MALRD1: variants seen among roughly 807,000 people sequenced by gnomAD.
MALRD1 encodes the protein MAM and LDL receptor class A domain containing 1, also known as MAM and LDL-receptor class A domain-containing protein 1.
Under a neutral mutation model 242.1 loss-of-function variants are expected in MALRD1, and 247 were observed. The ratio of observed to expected loss-of-function variants is 1.02; its 90% confidence interval spans 0.92 to 1.13. MALRD1 has a LOEUF of 1.13. Among genes scored for constraint, MALRD1 ranks in the 50% most tolerant of loss-of-function variants. The pLI, the probability that MALRD1 is intolerant of heterozygous loss-of-function variation, is 0.00. For synonymous variants in MALRD1, 995 were observed against 866.6 expected (o/e 1.15, Z -2.60); for missense variants, 2,989 against 2,533.1 (o/e 1.18, Z -3.86).
intron 33 of MALRD1, among the ~76,000 whole-genome samples, chr10:19,580,341 C>CT (rs1279423898): frequency 1.3e-5 from 2 of 152,092 alleles, no homozygotes; most frequent in Admixed American, 1.3e-4. Flanking sequence ...TTTGGGGCCT[C>CT]TTAAGACGTT....
rs921647755 is a variant in MALRD1 at position 19,165,710 on chromosome 10, T to C, written c.1730T>C (p.Leu577Ser). 41 of 1,231,562 alleles carry C rather than the reference T, an allele frequency of 3.3e-5. No homozygotes were observed. Among genetic ancestry groups the C allele is most frequent in the Non-Finnish European group, 3.9e-5 (39 of 987,954 alleles). 76.3% of individuals were successfully genotyped at this position (1,231,562 alleles called of 1,614,324 possible). The change falls in exon 13 of 40, where the codon TTG becomes TCG. Residue 577 changes from leucine (L) to serine (S), a missense_variant. By Grantham distance (145) the Leu-to-Ser change is moderately radical (BLOSUM62 -2). Transcript: ENST00000454679. Reference protein sequence around the residue: ...VFTRTSLDGNLQKQGKIIRFS... With the variant: ...VFTRTSLDGNSQKQGKIIRFS... Reference sequence around the variant, plus strand: ...ACAAGAACGTCTCTAGATGGAAACTTGCAAAAGCAGGGCAAAATAATCAGA... The same window carrying C: ...ACAAGAACGTCTCTAGATGGAAACTCGCAAAAGCAGGGCAAAATAATCAGA...
chr10:19,136,805 G>T, intron 10 of MALRD1, 24 bp downstream of exon 10: 1 of 1,213,206 alleles, frequency 8.2e-7, no homozygotes, highest in Non-Finnish European at 1.0e-6. Context: ...TGGCTTACTA[G>T]TTTACATGCT....
chr10:19,708,910 G>A (rs1185064792), intron 38 of MALRD1, among the ~76,000 whole-genome samples: 2 of 122,086 alleles, frequency 1.6e-5, no homozygotes, highest in Admixed American at 9.1e-5. Flanking sequence ...TGATCTGCCC[G>A]CCTCGGCCTC....
chr10:19,477,592 C>T (rs1054203564), intron 29 of MALRD1, among the ~76,000 whole-genome samples: 1 of 152,076 alleles, frequency 6.6e-6, no homozygotes, highest in Admixed American at 6.5e-5. Flanking sequence ...TGCAGACACA[C>T]AAGAAGTGAG....
intron 36 of MALRD1, among the ~76,000 whole-genome samples, chr10:19,670,063 C>G (rs191106890): frequency 0.051 from 6,838 of 133,850 alleles, 486 homozygotes; most frequent in African/African-American, 0.18. Context: ...TTCCCTCGCA[C>G]GTGCACACAC....
chr10:19,515,569 A>G (rs1833588973), intron 31 of MALRD1, among the ~76,000 whole-genome samples: 1 of 149,792 alleles, frequency 6.7e-6, no homozygotes, highest in Non-Finnish European at 1.5e-5. Flanking sequence ...TTATTTATTT[A>G]TTTTTTTTGA....
chr10:19,498,690 T>A, intron 31 of MALRD1, 44 bp downstream of exon 31: 1 of 1,523,478 alleles, frequency 6.6e-7, no homozygotes, highest in Middle Eastern at 1.7e-4. Flanking sequence ...CCACTCATCT[T>A]AAAGTCTGCT....
At chr10:19,149,273 G>A (rs1427472420) in intron 11 of MALRD1, among the ~76,000 whole-genome samples, 9 of 151,954 alleles carry the variant, frequency 5.9e-5, no homozygotes, top group Non-Finnish European at 1.2e-4. Context: ...ACACCACCAC[G>A]CCCAGCTGGT....
intron 21 of MALRD1, among the ~76,000 whole-genome samples, chr10:19,317,340 G>A (rs1466618508): frequency 6.6e-6 from 1 of 151,756 alleles, no homozygotes; most frequent in East Asian, 1.9e-4. Context: ...TCCCAATCAT[G>A]ACAGTTTTAC....
chr10:19,350,610 C>G (rs1844332463), intron 25 of MALRD1, among the ~76,000 whole-genome samples: 1 of 152,114 alleles, frequency 6.6e-6, no homozygotes, highest in African/African-American at 2.4e-5. Flanking sequence ...TCTCACTACC[C>G]TGTGTTAGGC....
chr10:19,684,777 A>T (rs1239118166), intron 36 of MALRD1, among the ~76,000 whole-genome samples: 1 of 152,100 alleles, frequency 6.6e-6, no homozygotes, highest in Non-Finnish European at 1.5e-5. Context: ...AATAAATATA[A>T]CCTGCTAAAA....
At chr10:19,516,495 A>G (rs1034485269) in intron 31 of MALRD1, among the ~76,000 whole-genome samples, 2 of 152,206 alleles carry the variant, frequency 1.3e-5, no homozygotes, top group African/African-American at 4.8e-5. Flanking sequence ...AAAGATTTAG[A>G]GTCAAATTCT....
In MALRD1 at chr10:19,498,666, C is replaced by G. The variant is rs1290325823; in HGVS notation, c.5320+20C>G. The G allele has an allele frequency of 5.2e-6, 8 of 1,537,610 alleles. No individual in the cohort carries two copies. Among genetic ancestry groups the G allele is most frequent in the East Asian group, 2.5e-5 (1 of 40,638 alleles). Reference sequence around the variant, plus strand: ...CGCCAGGTAAATCTAGTAGCCATCCCCAGACCAAGAAACCCACTCATCTTA... The same window carrying G: ...CGCCAGGTAAATCTAGTAGCCATCCGCAGACCAAGAAACCCACTCATCTTA... On this transcript the variant is annotated intron_variant, in intron 31 of 39. Transcript: ENST00000454679.
At chr10:19,461,869 T>C (rs1001133160) in intron 29 of MALRD1, among the ~76,000 whole-genome samples, 1 of 152,138 alleles carries the variant, frequency 6.6e-6, no homozygotes, top group African/African-American at 2.4e-5. Context: ...TCCCTTTCTG[T>C]GGAACGTCCA....
chr10:19,294,492 G>A (rs1398841768), intron 21 of MALRD1, among the ~76,000 whole-genome samples: 1 of 152,046 alleles, frequency 6.6e-6, no homozygotes, highest in African/African-American at 2.4e-5. Flanking sequence ...TATTGACTAG[G>A]CATACCATTT....
intron 33 of MALRD1, among the ~76,000 whole-genome samples, chr10:19,584,946 T>C (rs1043687232): frequency 1.1e-4 from 17 of 152,126 alleles, no homozygotes; most frequent in Non-Finnish European, 2.2e-4. Flanking sequence ...TAGTTAGCTC[T>C]TCTTGTTGAA....
intron 32 of MALRD1, among the ~76,000 whole-genome samples, chr10:19,558,204 T>G (rs1835811038): frequency 6.6e-6 from 1 of 152,142 alleles, no homozygotes; most frequent in African/African-American, 2.4e-5. Context: ...ACAGTTTTAT[T>G]TCTTTCTCAA....
chr10:19,140,615 A>G (rs1219389066), intron 10 of MALRD1, among the ~76,000 whole-genome samples: 1 of 151,794 alleles, frequency 6.6e-6, no homozygotes, highest in African/African-American at 2.4e-5. Context: ...ATTCAGCAAT[A>G]ATGAAGAAAA....
chr10:19,360,966 C>A lies in MALRD1; in HGVS notation c.4441+8669C>A, dbSNP rs546750292. On this transcript the variant is annotated intron_variant, in intron 26 of 39. Transcript: ENST00000454679. Reference sequence around the variant, plus strand: ...GCTTTACTATGGTCTCATTATTACACGAATTAACTACATAAAAGTAAGCAC... The same window carrying A: ...GCTTTACTATGGTCTCATTATTACAAGAATTAACTACATAAAAGTAAGCAC... Among the ~76,000 whole-genome samples the A allele has an allele frequency of 4.0e-5, 6 of 151,808 alleles. No homozygotes were observed. In the South Asian group the frequency reaches 1.0e-3, roughly 26 times the overall value.
Sources: allele counts gnomAD v4.1 joint callset (sites outside exome capture counted in the v4.1 genomes callset), GRCh38; gene constraint gnomAD v4.1.1; transcripts MANE v1.5; gene names NCBI Gene and HGNC (gene_info 2026-07-23, HGNC 2026-07-21).